FHIT: variants seen among roughly 807,000 people sequenced by gnomAD.
FHIT encodes bis(5'-adenosyl)-triphosphatase.
In FHIT, 19 loss-of-function variants were observed where a neutral mutation model predicts 17.9. That is an observed-to-expected ratio of 1.06 (90% CI 0.74 to 1.56). FHIT has a LOEUF of 1.56. Ranked by LOEUF, FHIT falls within the 40% of genes most tolerant of loss-of-function variation. The pLI is 0.00. For synonymous variants in FHIT, 81 were observed against 69.7 expected (o/e 1.16, Z -0.81); for missense variants, 248 against 189.2 (o/e 1.31, Z -1.82).
chr3:60,419,930 A>G (rs1034635600), intron 5 of FHIT, among the ~76,000 whole-genome samples: 2 of 152,210 alleles, frequency 1.3e-5, no homozygotes, highest in African/African-American at 4.8e-5. Context: ...AGACCAAAAA[A>G]TGAAATAAAC....
At chr3:60,696,032 C>G (rs782065485) in intron 4 of FHIT, among the ~76,000 whole-genome samples, 4 of 151,930 alleles carry the variant, frequency 2.6e-5, no homozygotes, top group Non-Finnish European at 5.9e-5. Flanking sequence ...TGTATGCAAA[C>G]AAAGTAATTC....
At chr3:61,067,833 T>A (rs916622432) in intron 2 of FHIT, among the ~76,000 whole-genome samples, 1 of 152,204 alleles carries the variant, frequency 6.6e-6, no homozygotes, top group Non-Finnish European at 1.5e-5. Context: ...GTTAACCCTT[T>A]ACTGAACAAC....
intron 5 of FHIT, among the ~76,000 whole-genome samples, chr3:60,037,652 G>A (rs1221203101): frequency 6.6e-6 from 1 of 151,486 alleles, no homozygotes; most frequent in Non-Finnish European, 1.5e-5. Flanking sequence ...AAAGTGCTGG[G>A]ATTACAGGCA....
intron 2 of FHIT, among the ~76,000 whole-genome samples, chr3:61,078,102 G>A (rs1303300655): frequency 6.6e-6 from 1 of 152,090 alleles, no homozygotes; most frequent in East Asian, 1.9e-4. Flanking sequence ...AGTTGCTGGG[G>A]AGACCACAAT....
chr3:60,763,904 T>C (rs1450942951), intron 4 of FHIT, among the ~76,000 whole-genome samples: 1 of 152,180 alleles, frequency 6.6e-6, no homozygotes, highest in Non-Finnish European at 1.5e-5. Flanking sequence ...CTGAAGTTTT[T>C]CTGTAAAAAG....
At chr3:60,384,052 G>A (rs889863147) in intron 5 of FHIT, among the ~76,000 whole-genome samples, 3 of 151,964 alleles carry the variant, frequency 2.0e-5, no homozygotes, top group African/African-American at 4.8e-5. Flanking sequence ...GGTGGATCAC[G>A]AGGTCAGGAG....
At chr3:59,864,802 G>A (rs527306430) in intron 8 of FHIT, among the ~76,000 whole-genome samples, 1 of 146,282 alleles carries the variant, frequency 6.8e-6, no homozygotes, top group African/African-American at 2.6e-5. Context: ...TGCCTAAAAG[G>A]CCCTTCTGAA....
At position 60,939,383 on chromosome 3, in the gene FHIT, T is replaced by C. The variant is rs148331062; in HGVS notation, c.-111+102664A>G. Among the ~76,000 whole-genome samples the C allele has an allele frequency of 4.2e-3, 642 of 152,250 alleles. 4 individuals carry two copies. The highest frequency in any genetic ancestry group is 0.014 in the African/African-American group (582 of 41,550). ...CAGCAGAGTTGAGTAGTTGTGACCA[T>C]ACTACCAAAAAACCTGCAATATTTA... On this transcript the variant is annotated intron_variant, in intron 3 of 9. Transcript: ENST00000492590.
At chr3:60,114,536 C>A (rs1242727238) in intron 5 of FHIT, among the ~76,000 whole-genome samples, 2 of 109,018 alleles carry the variant, frequency 1.8e-5, no homozygotes, top group African/African-American at 7.5e-5. Flanking sequence ...CAGTCTGTTT[C>A]CCAGGCCTGA....
intron 5 of FHIT, among the ~76,000 whole-genome samples, chr3:60,520,291 T>C (rs897498046): frequency 1.3e-5 from 2 of 152,190 alleles, no homozygotes; most frequent in African/African-American, 2.4e-5. Context: ...AATATACTTA[T>C]TGAAAAAAAT....
chr3:60,278,501 T>C (rs558510169), intron 5 of FHIT, among the ~76,000 whole-genome samples: 46 of 152,178 alleles, frequency 3.0e-4, no homozygotes, highest in Non-Finnish European at 6.5e-4. Flanking sequence ...TATACAACAA[T>C]TATCCTTCCT....
rs183588173 is a variant in FHIT, at chr3:60,258,905, C to T, written c.104-244753G>A. On this transcript the variant is annotated intron_variant, in intron 5 of 9. Coordinates refer to ENST00000492590, the MANE Select transcript of FHIT (RefSeq NM_002012.4). ...TCAGAGATAAGGATGTTCCCTTTCT[C>T]CAGATCTGTGGAGGGTACCTCTTGA... 5.2e-3 allele frequency among the ~76,000 whole-genome samples: 795 copies of T among 152,094 alleles called. 5 individuals are homozygous for T. Among genetic ancestry groups the T allele is most frequent in the Middle Eastern group, 0.02 (6 of 294 alleles).
intron 5 of FHIT, among the ~76,000 whole-genome samples, chr3:60,277,153 T>C (rs759047331): frequency 6.6e-6 from 1 of 152,188 alleles, no homozygotes. Context: ...TCAATTTTCA[T>C]ATTAATGGTC....
chr3:60,515,511 G>A (rs2035118782), intron 5 of FHIT, among the ~76,000 whole-genome samples: 1 of 151,708 alleles, frequency 6.6e-6, no homozygotes, highest in African/African-American at 2.4e-5. Context: ...TAAGATCAAG[G>A]CTACTGTCAT....
chr3:60,442,602 T>C (rs778945271), intron 5 of FHIT, among the ~76,000 whole-genome samples: 39 of 152,164 alleles, frequency 2.6e-4, no homozygotes, highest in Non-Finnish European at 4.4e-4. Context: ...GTATTATTTC[T>C]GAGGGCTCTG....
intron 5 of FHIT, among the ~76,000 whole-genome samples, chr3:60,442,407 T>G (rs1387199542): frequency 6.6e-6 from 1 of 152,144 alleles, no homozygotes; most frequent in African/African-American, 2.4e-5. Context: ...TGGTTTAAGA[T>G]CTAACATTTA....
intron 5 of FHIT, among the ~76,000 whole-genome samples, chr3:60,160,148 G>A (rs1416307943): frequency 3.3e-5 from 5 of 152,058 alleles, no homozygotes; most frequent in African/African-American, 1.2e-4. Context: ...GTGTGTCTGT[G>A]TGTCTGTGTG....
intron 8 of FHIT, among the ~76,000 whole-genome samples, chr3:59,767,315 A>G (rs1701849190): frequency 6.6e-6 from 1 of 152,184 alleles, no homozygotes. Flanking sequence ...CCTGGCCAAC[A>G]TGGTGACACC....
At chr3:60,098,436 T>C (rs1416079514) in intron 5 of FHIT, among the ~76,000 whole-genome samples, 1 of 151,768 alleles carries the variant, frequency 6.6e-6, no homozygotes, top group Non-Finnish European at 1.5e-5. Flanking sequence ...TATCTCATTG[T>C]GGTTTTGATT....
Sources: gnomAD v4.1 joint callset for allele counts (sites outside exome capture counted in the v4.1 genomes callset) on GRCh38, gnomAD v4.1.1 for gene constraint, MANE v1.5 for transcripts, NCBI Gene and HGNC (gene_info 2026-07-23, HGNC 2026-07-21) for gene names.